Variants in COL21A1 observed in about 807,000 individuals in gnomAD.
COL21A1 encodes collagen alpha-1(XXI) chain.
A neutral mutation model predicts 137.9 loss-of-function variants in COL21A1; 149 were observed. That is an observed-to-expected ratio of 1.08 (90% CI 0.95 to 1.24). The LOEUF is 1.24. Among genes scored for constraint, COL21A1 ranks in the 50% most tolerant of loss-of-function variants. The pLI is 0.00. For synonymous variants in COL21A1, 456 were observed against 391.5 expected, an observed-to-expected ratio of 1.16 and a Z score of -1.95; for missense variants, 1,167 against 1,158.4, an observed-to-expected ratio of 1.01 and a Z score of -0.11.
intron 16 of COL21A1, among the ~76,000 whole-genome samples, chr6:56,113,891 C>T (rs937655768): frequency 7.9e-5 from 12 of 152,084 alleles, no homozygotes; most frequent in Non-Finnish European, 1.5e-4. Context: ...CTTATGAGAC[C>T]TTGGGGCTCA....
At chr6:56,389,843 A>G (rs772899802) in intron 1 of COL21A1, among the ~76,000 whole-genome samples, 2 of 152,222 alleles carry the variant, frequency 1.3e-5, no homozygotes, top group Non-Finnish European at 2.9e-5. Context: ...ATTATCCTTC[A>G]AACATGAAGG....
chr6:56,106,551 GA>G (rs2152178208), intron 16 of COL21A1, among the ~76,000 whole-genome samples: 1 of 152,182 alleles, frequency 6.6e-6, no homozygotes, highest in South Asian at 2.1e-4. Flanking sequence ...ATACATAAAA[GA>G]AGAGAGAATC....
chr6:56,324,856 C>T (rs1764966591), intron 1 of COL21A1, among the ~76,000 whole-genome samples: 1 of 151,866 alleles, frequency 6.6e-6, no homozygotes, highest in African/African-American at 2.4e-5. Context: ...TAAAGCGGGT[C>T]AGTAAACCTA....
At chr6:56,074,174 A>G (rs2114112602) in intron 20 of COL21A1, 58 bp downstream of exon 20, 1 of 1,233,796 alleles carries the variant, frequency 8.1e-7, no homozygotes, top group East Asian at 2.5e-5. Context: ...CATCAAAGTT[A>G]TAAATGGCCA....
chr6:56,293,172 T>C (rs1352482294), intron 1 of COL21A1, among the ~76,000 whole-genome samples: 2 of 152,328 alleles, frequency 1.3e-5, no homozygotes, highest in East Asian at 1.9e-4. Flanking sequence ...TTTAAACACA[T>C]TATTAATTCT....
At chr6:56,210,442 A>T (rs1582649889) in intron 1 of COL21A1, among the ~76,000 whole-genome samples, 1 of 152,102 alleles carries the variant, frequency 6.6e-6, no homozygotes, top group East Asian at 1.9e-4. Flanking sequence ...AGAAACAATA[A>T]ATTCTAGAGT....
chr6:56,077,632 G>A (rs1218205329), intron 17 of COL21A1, 59 bp from the exon 18 acceptor site: 4 of 1,002,922 alleles, frequency 4.0e-6, no homozygotes, highest in African/African-American at 3.3e-5. Flanking sequence ...TATCATTAAA[G>A]AAGAAACAGT....
In COL21A1 at chr6:56,343,445, C is replaced by T. The variant is rs139077404; in HGVS notation, c.-39+50526G>A. 1.1e-3 allele frequency among the ~76,000 whole-genome samples: 171 copies of T among 152,312 alleles called. 1 individual carries two copies. The highest frequency in any genetic ancestry group is 4.0e-3 in the African/African-American group (166 of 41,570). The stretch of plus-strand genomic sequence containing the variant: ...TAAAAAATTGCATGCTTCTCACATA[C>T]GGAAGCAATAACTGTCAACTTCCAT... On this transcript the variant is annotated intron_variant, in intron 1 of 28. Coordinates refer to the COL21A1 transcript ENST00000370819.
chr6:56,311,869 A>G (rs559366317), intron 1 of COL21A1, among the ~76,000 whole-genome samples: 1 of 152,318 alleles, frequency 6.6e-6, no homozygotes, highest in Admixed American at 6.5e-5. Flanking sequence ...AAGGGGAAAC[A>G]CTTATCCTAA....
chr6:56,315,984 CA>C (rs1764722896), intron 1 of COL21A1, among the ~76,000 whole-genome samples: 1 of 152,122 alleles, frequency 6.6e-6, no homozygotes, highest in Non-Finnish European at 1.5e-5. Context: ...TAAATATATA[CA>C]ATTTTTATTT....
chr6:56,238,623 T>A (rs1782066611), intron 1 of COL21A1, among the ~76,000 whole-genome samples: 1 of 151,788 alleles, frequency 6.6e-6, no homozygotes, highest in African/African-American at 2.4e-5. Flanking sequence ...CCACAAAGCT[T>A]TACCTCAAAA....
At chr6:56,272,604 T>C (rs760334269) in intron 1 of COL21A1, among the ~76,000 whole-genome samples, 2 of 152,264 alleles carry the variant, frequency 1.3e-5, no homozygotes, top group South Asian at 2.1e-4. Context: ...GTGGCTTGGC[T>C]CTGTGTCCCC....
intron 17 of COL21A1, among the ~76,000 whole-genome samples, chr6:56,092,644 T>C (rs1423122887): frequency 2.0e-5 from 3 of 152,152 alleles, no homozygotes; most frequent in African/African-American, 7.2e-5. Context: ...GAAGCCCAAA[T>C]ATTTTTGATC....
chr6:56,234,784 C>T (rs1256356639), intron 1 of COL21A1, among the ~76,000 whole-genome samples: 2 of 151,730 alleles, frequency 1.3e-5, no homozygotes, highest in East Asian at 3.9e-4. Flanking sequence ...TCTTGTCATG[C>T]TTTCTCATAT....
chr6:56,367,419 G>A (rs1469344527), intron 1 of COL21A1, among the ~76,000 whole-genome samples: 2 of 152,174 alleles, frequency 1.3e-5, no homozygotes, highest in South Asian at 2.1e-4. Context: ...ACCTGTGAAG[G>A]ACAGTCTTCT....
intron 12 of COL21A1, among the ~76,000 whole-genome samples, chr6:56,130,130 G>A (rs1773402689): frequency 7.0e-6 from 1 of 142,106 alleles, no homozygotes; most frequent in Non-Finnish European, 1.5e-5. Context: ...GCATAGCAGG[G>A]GTTCTGCCTC....
intron 10 of COL21A1, among the ~76,000 whole-genome samples, chr6:56,148,399 T>G (rs940097524): frequency 7.8e-6 from 1 of 127,518 alleles, no homozygotes; most frequent in Non-Finnish European, 1.7e-5. Context: ...TAAATCTATT[T>G]GCCAAGGAGT....
intron 17 of COL21A1, among the ~76,000 whole-genome samples, chr6:56,094,432 A>T (rs912809969): frequency 1.4e-5 from 2 of 147,788 alleles, no homozygotes; most frequent in African/African-American, 2.5e-5. Flanking sequence ...TCTCCACATG[A>T]CTTCCACTTC....
chr6:56,075,873 A>G (rs969967461), intron 18 of COL21A1, among the ~76,000 whole-genome samples: 3 of 151,506 alleles, frequency 2.0e-5, no homozygotes, highest in Non-Finnish European at 4.4e-5. Flanking sequence ...GATAGTGAAC[A>G]TAAATTAATA....
Sources: gnomAD v4.1 joint callset for allele counts (sites outside exome capture counted in the v4.1 genomes callset) on GRCh38, gnomAD v4.1.1 for gene constraint, MANE v1.5 for transcripts, NCBI Gene and HGNC (gene_info 2026-07-23, HGNC 2026-07-21) for gene names.